Variants in XKR9 observed in about 807,000 individuals in gnomAD.
The protein encoded by XKR9 is XK related 9.
XKR9 carries 32 observed loss-of-function variants against 32.0 expected under a neutral mutation model. That is an observed-to-expected ratio of 1.00 (90% CI 0.76 to 1.34). The LOEUF (loss-of-function observed/expected upper bound fraction) is 1.34, where lower values mean the gene tolerates loss of function less well. Ranked by LOEUF, XKR9 falls within the 40% of genes most tolerant of loss-of-function variation. The probability of loss-of-function intolerance (pLI) is 0.00; values close to 1 mark genes in which losing one functional copy is unlikely to be tolerated. For missense variants in XKR9, 546 were observed against 429.7 expected, an observed-to-expected ratio of 1.27 and a Z score of -2.39; for synonymous variants, 168 against 143.4, an observed-to-expected ratio of 1.17 and a Z score of -1.22.
chr8:70,797,568 T>TC, the XKR9 span, among the ~76,000 whole-genome samples: 1 of 152,124 alleles, frequency 6.6e-6, no homozygotes, highest in Non-Finnish European at 1.5e-5. Flanking sequence ...GATTTTTTTT[T>TC]TTCACTTTTA....
the XKR9 span, among the ~76,000 whole-genome samples, chr8:70,968,720 G>T: frequency 1.3e-4 from 20 of 152,052 alleles, no homozygotes; most frequent in Non-Finnish European, 2.5e-4. Context: ...GTTTGCTGGG[G>T]GTCCACTCCA....
At chr8:70,707,699 A>T (rs1563438257) in intron 4 of XKR9, among the ~76,000 whole-genome samples, 1 of 152,054 alleles carries the variant, frequency 6.6e-6, no homozygotes, top group Admixed American at 6.6e-5. Flanking sequence ...CCATTGGGTA[A>T]ATTCCCAGAA....
chr8:70,945,969 T>C, the XKR9 span, among the ~76,000 whole-genome samples: 1 of 152,064 alleles, frequency 6.6e-6, no homozygotes, highest in African/African-American at 2.4e-5. Flanking sequence ...ACCCCGTCTC[T>C]ACCAAAAATA....
chr8:70,997,937 A>G, the XKR9 span, among the ~76,000 whole-genome samples: 2 of 152,198 alleles, frequency 1.3e-5, no homozygotes, highest in Admixed American at 6.5e-5. Flanking sequence ...AATATATTTT[A>G]GGCCATTTGG....
At chr8:70,736,523 T>C (rs1414227978), downstream of XKR9, among the ~76,000 whole-genome samples, 2 of 152,254 alleles carry the variant, frequency 1.3e-5, no homozygotes, top group African/African-American at 4.8e-5. Flanking sequence ...TTTGGTGTTT[T>C]AGACATGAAT....
chr8:70,729,609 TTGCCTA>T (rs1161226979), intron 4 of XKR9, among the ~76,000 whole-genome samples: 1 of 152,102 alleles, frequency 6.6e-6, no homozygotes, highest in Non-Finnish European at 1.5e-5. Flanking sequence ...AAGGCAACAA[TTGCCTA>T]TGGATGACAA....
At chr8:70,826,739 GA>G in the XKR9 span, among the ~76,000 whole-genome samples, 2 of 152,072 alleles carry the variant, frequency 1.3e-5, no homozygotes, top group African/African-American at 4.8e-5. Context: ...TGTAGAAATG[GA>G]GCTTAGCTGT....
At chr8:70,915,696 G>A in the XKR9 span, among the ~76,000 whole-genome samples, 3 of 152,146 alleles carry the variant, frequency 2.0e-5, no homozygotes, top group Non-Finnish European at 2.9e-5. Flanking sequence ...AATTGATCCA[G>A]TATCATTCAC....
the XKR9 span, among the ~76,000 whole-genome samples, chr8:70,960,667 C>G: frequency 1.3e-5 from 2 of 151,916 alleles, no homozygotes; most frequent in African/African-American, 4.8e-5. Flanking sequence ...TGCTTGAACC[C>G]AGGAGTTTGA....
Position 70,733,853 on chromosome 8 carries a change from T to C in XKR9, c.551T>C (p.Val184Ala). The C allele has an allele frequency of 6.2e-7, 1 of 1,606,352 alleles. No individual in the cohort carries two copies. The highest frequency in any genetic ancestry group is 1.3e-5 in the African/African-American group (1 of 74,672). The change falls in exon 5 of 5, where the codon GTA (valine) becomes GCA (alanine). Residue 184 changes from valine (V) to alanine (A), a missense_variant. Transcript: ENST00000408926. ...TCTTGGTCAACTGTTGATTATCAAG[T>C]AGCTTTAAGAAAATCCTTGCCTGAC... ...AISWSTVDYQ[V>A]ALRKSLPDKK...
At chr8:70,732,525 C>G (rs1806705879) in intron 4 of XKR9, among the ~76,000 whole-genome samples, 1 of 152,204 alleles carries the variant, frequency 6.6e-6, no homozygotes, top group Non-Finnish European at 1.5e-5. Context: ...CAAGGCCATT[C>G]CTGGACGAGC....
chr8:70,902,017 T>C, the XKR9 span, among the ~76,000 whole-genome samples: 397 of 152,348 alleles, frequency 2.6e-3, 6 homozygotes, highest in Admixed American at 0.016. Context: ...CATTGGTCTA[T>C]ATATCTGTTT....
chr8:70,771,986 CA>C (rs2130233946), intron 2 of XKR9, among the ~76,000 whole-genome samples: 1 of 152,144 alleles, frequency 6.6e-6, no homozygotes, highest in African/African-American at 2.4e-5. Flanking sequence ...CAAAATAAAA[CA>C]TAGAAAAGAA....
chr8:71,013,814 A>C, the XKR9 span, among the ~76,000 whole-genome samples: 1 of 152,146 alleles, frequency 6.6e-6, no homozygotes, highest in Non-Finnish European at 1.5e-5. Flanking sequence ...CAGTGATGCT[A>C]ATGTGCTCTC....
the XKR9 span, among the ~76,000 whole-genome samples, chr8:71,008,054 CA>C: frequency 6.6e-6 from 1 of 151,252 alleles, no homozygotes; most frequent in African/African-American, 2.4e-5. Context: ...TTGAAAGAAC[CA>C]AAAAAAGTAC....
At chr8:70,751,454 A>T (rs1455122659) in intron 2 of XKR9, among the ~76,000 whole-genome samples, 2 of 152,100 alleles carry the variant, frequency 1.3e-5, no homozygotes, top group East Asian at 3.9e-4. Context: ...TGTCAACTTG[A>T]CTGGGTAAAG....
chr8:70,788,720 A>G (rs1264596767), intron 2 of XKR9, among the ~76,000 whole-genome samples: 2 of 152,140 alleles, frequency 1.3e-5, no homozygotes, highest in Admixed American at 1.3e-4. Context: ...GAGTTGCCTA[A>G]CCTGCTAGTG....
chr8:70,774,337 G>T (rs900856174), intron 2 of XKR9, among the ~76,000 whole-genome samples: 1 of 151,974 alleles, frequency 6.6e-6, no homozygotes, highest in Non-Finnish European at 1.5e-5. Context: ...GTCTTGTTAT[G>T]TTGCTTAGGC....
chr8:70,993,601 T>TTTTC, the XKR9 span, among the ~76,000 whole-genome samples: 16 of 105,124 alleles, frequency 1.5e-4, no homozygotes, highest in African/African-American at 5.2e-4. Flanking sequence ...TCATAGGACA[T>TTTTC]CTTCCTTCCT....
Sources: gnomAD v4.1 joint callset for allele counts (sites outside exome capture counted in the v4.1 genomes callset) on GRCh38, gnomAD v4.1.1 for gene constraint, MANE v1.5 for transcripts, NCBI Gene and HGNC (gene_info 2026-07-23, HGNC 2026-07-21) for gene names.